SS18L1: variants seen among roughly 807,000 people sequenced by gnomAD.
SS18L1 encodes the protein calcium-responsive transactivator.
A neutral mutation model predicts 70.3 loss-of-function variants in SS18L1; 32 were observed. The ratio of observed to expected loss-of-function variants is 0.46; its 90% CI spans 0.34 to 0.61. The LOEUF (loss-of-function observed/expected upper bound fraction) is 0.61. SS18L1 is among the 20% of genes least tolerant of loss of function. The pLI is 0.01. For missense variants in SS18L1, 430 were observed against 542.1 expected, an observed-to-expected ratio of 0.79 and a Z score of 2.05; for synonymous variants, 237 against 229.7, an observed-to-expected ratio of 1.03 and a Z score of -0.29.
Position 62,158,810 on chromosome 20 carries a change from C to A in SS18L1, c.146+62C>A, listed in dbSNP as rs113141659. The A allele has an allele frequency of 0.017, 27,275 of 1,612,460 alleles. 2,561 individuals are homozygous for A. In the African/African-American group the frequency reaches 0.26, roughly 15 times the overall value. ...GTCATGCAGAGTCTAAGCACAGAGG[C>A]CAGATACGTCCCAAGAGTCCCCCAG... On this transcript the variant is annotated intron_variant, in intron 2 of 10. Coordinates refer to ENST00000331758, the MANE Select transcript of SS18L1 (RefSeq NM_198935.3). The surrounding 1 kb of genome is among the most constrained non-coding windows in gnomAD (Gnocchi z 4.5).
rs1452236799 is a variant in SS18L1, at chr20:62,180,052, A to G, written c.*844A>G. The stretch of plus-strand genomic sequence containing the variant: ...TTTGACCCTTGTTTAGCTGATGGTC[A>G]TTTCTGGGATTGGAATATTTAATAA... On this transcript the variant is annotated 3_prime_UTR_variant, in exon 11 of 11. Coordinates refer to ENST00000331758, the MANE Select transcript of SS18L1 (RefSeq NM_198935.3). 9.3e-6 allele frequency: 2 copies of G among 215,332 alleles called. No homozygotes were observed. Among genetic ancestry groups the G allele is most frequent in the Non-Finnish European group, 9.4e-6 (1 of 106,896 alleles). 13.3% of individuals were successfully genotyped at this position (215,332 alleles called of 1,614,324 possible). A position where few individuals can be genotyped will look rare whatever the true frequency, so the allele number is the denominator to read the frequency against.
chr20:62,170,979 G>T (rs1037111878), intron 8 of SS18L1, among the ~76,000 whole-genome samples: 1 of 151,440 alleles, frequency 6.6e-6, no homozygotes, highest in Admixed American at 6.6e-5. Flanking sequence ...TCGGCTCACT[G>T]CAACCTCCTC....
Position 62,161,207 on chromosome 20 carries a change from C to G in SS18L1, c.232-229C>G, listed in dbSNP as rs1185455065. On this transcript the variant is annotated intron_variant, in intron 3 of 10. Transcript: ENST00000331758. This position sits in a 1 kb window ranked among gnomAD's most constrained non-coding sequence, Gnocchi z 4.4. ...CAGGCACGTGTGGATGAACTTGATA[C>G]TCAGTAGGGTTGTGAACGCTCACCC... Among the ~76,000 whole-genome samples, 1 of 150,712 alleles carries G rather than the reference C, an allele frequency of 6.6e-6. No individual in the cohort carries two copies. The highest frequency in any genetic ancestry group is 1.5e-5 in the Non-Finnish European group (1 of 67,846).
intron 8 of SS18L1, among the ~76,000 whole-genome samples, chr20:62,172,042 G>C (rs1211477875): frequency 1.3e-5 from 2 of 151,934 alleles, no homozygotes; most frequent in African/African-American, 4.8e-5. Context: ...GGCACCTGTA[G>C]TCCCAGCTAC....
intron 4 of SS18L1, chr20:62,162,513 A>G: frequency 6.4e-6 from 3 of 468,638 alleles, no homozygotes; most frequent in South Asian, 6.1e-5. Context: ...CATGTTGTCC[A>G]GGCTGGTTTC....
rs148717718 is a variant in SS18L1 at position 62,152,017 on chromosome 20, C to G, written c.70-6655C>G. On this transcript the variant is annotated intron_variant, in intron 1 of 10. Transcript: ENST00000331758. ...CCTCCCCCGTTCCCCTCTTTTCCCGCTCCCCAGAGCTGGCCTCCATTCCTG... is the reference window on the plus strand; with the variant it reads ...CCTCCCCCGTTCCCCTCTTTTCCCGGTCCCCAGAGCTGGCCTCCATTCCTG... 9.4e-4 allele frequency among the ~76,000 whole-genome samples: 134 copies of G among 142,544 alleles called. 2 individuals are homozygous for G. In the South Asian group the frequency reaches 0.015, roughly 16 times the overall value. 93.5% of individuals were successfully genotyped at this position (142,544 alleles called of 152,430 possible). A position where few individuals can be genotyped will look rare whatever the true frequency, so the allele number is the denominator to read the frequency against.
At chr20:62,175,406 C>G (rs998578089) in intron 10 of SS18L1, 1 of 985,218 alleles carries the variant, frequency 1.0e-6, no homozygotes, top group African/African-American at 1.7e-5. Flanking sequence ...GGTGGGAGCA[C>G]TGCAGGAGCG....
chr20:62,149,130 C>T (rs1484413240), intron 1 of SS18L1, among the ~76,000 whole-genome samples: 8 of 152,260 alleles, frequency 5.3e-5, no homozygotes, highest in Non-Finnish European at 7.3e-5. Context: ...CTGGAATCCC[C>T]GGGCTGCAGG....
rs1476566810 is a variant in SS18L1, at chr20:62,182,290, GTT to G, written c.*3085_*3086del. The G allele has an allele frequency of 9.2e-6, 2 of 216,700 alleles. No individual in the cohort carries two copies. The highest frequency in any genetic ancestry group is 5.8e-5 in the Admixed American group (1 of 17,158). The allele number at this position is 216,700 out of a possible 1,614,324, so 13.4% of individuals were successfully genotyped here. ...TCAAAACTGTACAAAGAAGACGACT[GTT>G]TTCCATTTCCATTTAAACATTTTTA... On this transcript the variant is annotated 3_prime_UTR_variant, in exon 11 of 11. Coordinates refer to ENST00000331758, the MANE Select transcript of SS18L1 (RefSeq NM_198935.3).
At chr20:62,168,654 A>G (rs2057476669) in intron 8 of SS18L1, among the ~76,000 whole-genome samples, 1 of 152,060 alleles carries the variant, frequency 6.6e-6, no homozygotes, top group Non-Finnish European at 1.5e-5. Flanking sequence ...CCCCCTCTCT[A>G]CTAAAAAACA....
At position 62,179,433 on chromosome 20, in the gene SS18L1, G is replaced by T. The variant is rs189519004; in HGVS notation, c.*225G>T. 1.7e-6 allele frequency: 1 copy of T among 578,764 alleles called. No homozygotes were observed. Among genetic ancestry groups the T allele is most frequent in the South Asian group, 2.1e-5 (1 of 47,548 alleles). The allele number at this position is 578,764 out of a possible 1,614,324, so 35.9% of individuals were successfully genotyped here. ...TACTTTTGGTGCTGTGTATAGTATT[G>T]TATGTCGGTACACGGAGAGGTATCC... On this transcript the variant is annotated 3_prime_UTR_variant, in exon 11 of 11. Transcript: ENST00000331758.
Position 62,161,389 on chromosome 20 carries a change from C to T in SS18L1, c.232-47C>T, listed in dbSNP as rs780951963. On this transcript the variant is annotated intron_variant, in intron 3 of 10. Coordinates refer to ENST00000331758, the MANE Select transcript of SS18L1 (RefSeq NM_198935.3). The surrounding 1 kb of genome is among the most constrained non-coding windows in gnomAD (Gnocchi z 4.4). ...CCTGGCCTGGCTTGTGGAGGTCGCTCTCCGTAAATTAACCGTTTTTCCCTG... is the reference window on the plus strand; with the variant it reads ...CCTGGCCTGGCTTGTGGAGGTCGCTTTCCGTAAATTAACCGTTTTTCCCTG... 4 of 1,612,324 alleles carry T rather than the reference C, an allele frequency of 2.5e-6. No individual in the cohort carries two copies. Among genetic ancestry groups the T allele is most frequent in the South Asian group, 1.1e-5 (1 of 90,900 alleles).
chr20:62,174,447 TTTAAG>T lies in SS18L1; in HGVS notation c.1037-64_1037-60del, dbSNP rs1261616877. 3.0e-5 allele frequency: 47 copies of T among 1,544,248 alleles called. No homozygotes were observed. The Middle Eastern group carries it at 6.7e-4, about 22-fold the overall frequency. On this transcript the variant is annotated intron_variant, in intron 9 of 10. Coordinates refer to ENST00000331758, the MANE Select transcript of SS18L1 (RefSeq NM_198935.3). The surrounding 1 kb of genome is among the most constrained non-coding windows in gnomAD (Gnocchi z 4.1). ...AGAAGAGGAAGTTTTAAAAAAAATT[TTTAAG>T]TTAAGAAAAAAAAAGAAAGAGGTGT...
intron 10 of SS18L1, among the ~76,000 whole-genome samples, chr20:62,178,770 A>AT (rs34850332): frequency 5.7e-4 from 86 of 151,792 alleles, no homozygotes; most frequent in Non-Finnish European, 1.1e-3. Context: ...GGGTCTTTAG[A>AT]TTTTTTTTTA....
At chr20:62,151,934 TC>T in intron 1 of SS18L1, among the ~76,000 whole-genome samples, 2 of 136,632 alleles carry the variant, frequency 1.5e-5, no homozygotes, top group Non-Finnish European at 3.1e-5. Context: ...TCTCCTCTTT[TC>T]CCTCTCCCCA....
At chr20:62,149,550 G>A (rs1279995639) in intron 1 of SS18L1, among the ~76,000 whole-genome samples, 2 of 152,242 alleles carry the variant, frequency 1.3e-5, no homozygotes, top group Non-Finnish European at 2.9e-5. Flanking sequence ...GGAGGGCAGG[G>A]TGGGGCAGGC....
Position 62,179,730 on chromosome 20 carries a change from G to GGGGGGGGGGGGGGGGGGGGCCCCCC in SS18L1, c.*522_*523insGGGGGGGGGGGGGGGGGGGCCCCCC. The GGGGGGGGGGGGGGGGGGGGCCCCCC allele has an allele frequency of 1.0e-5, 1 of 96,716 alleles. No individual in the cohort carries two copies. The highest frequency in any genetic ancestry group is 2.0e-5 in the Non-Finnish European group (1 of 48,824). The allele number at this position is 96,716 out of a possible 1,614,324, so 6.0% of individuals were successfully genotyped here. On this transcript the variant is annotated 3_prime_UTR_variant, in exon 11 of 11. Transcript: ENST00000331758. The stretch of plus-strand genomic sequence containing the variant: ...GTGCCTCGATGGGGTGGGTGGGAGG[G>GGGGGGGGGGGGGGGGGGGGCCCCCC]CATCTTCTGTGCGTTGGGTCAGTTT...
rs772766858 is a variant in SS18L1 at position 62,174,604 on chromosome 20, C to T, written c.1124C>T (p.Ala375Val). The T allele has an allele frequency of 6.8e-6, 11 of 1,613,730 alleles. No homozygotes were observed. Among genetic ancestry groups the T allele is most frequent in the Middle Eastern group, 1.6e-4 (1 of 6,062 alleles). Residue 375 changes from alanine to valine, a missense_variant, in exon 10 of 11, where the codon GCG (alanine) becomes GTG (valine). Ala to Val is a moderately conservative substitution (Grantham distance 64). Transcript: ENST00000331758. The surrounding 1 kb of genome is among the most constrained non-coding windows in gnomAD (Gnocchi z 4.1). ...QYGSYRAPQT[A>V]PSAQQQRPYG... ...GGAAGCTACCGAGCACCGCAGACAG[C>T]GCCGTCTGCCCAGCAGCAGCGGCCC...
intron 1 of SS18L1, among the ~76,000 whole-genome samples, chr20:62,156,701 C>T (rs1325704055): frequency 6.6e-6 from 1 of 152,190 alleles, no homozygotes; most frequent in African/African-American, 2.4e-5. Flanking sequence ...GTTTGGGCCC[C>T]AAGGTCAAAT....
Sources: allele counts gnomAD v4.1 joint callset (sites outside exome capture counted in the v4.1 genomes callset), GRCh38; gene constraint gnomAD v4.1.1; non-coding constraint Gnocchi (gnomAD v3.1); transcripts MANE v1.5; gene names NCBI Gene and HGNC (gene_info 2026-07-23, HGNC 2026-07-21).